The following PCDHGA9 variants were observed in gnomAD, a reference collection of about 807,000 sequenced individuals.
PCDHGA9 encodes the protein protocadherin gamma subfamily A, 9.
A neutral mutation model predicts 62.5 loss-of-function variants in PCDHGA9; 37 were observed. The observed-to-expected ratio is 0.59, with a 90% CI of 0.46 to 0.78. PCDHGA9 has a LOEUF of 0.78. PCDHGA9 is among the 30% of genes least tolerant of loss of function. PCDHGA9 has a pLI of 0.00. For missense variants in PCDHGA9, 1,138 were observed against 1,166.2 expected, an observed-to-expected ratio of 0.98 and a Z score of 0.35; for synonymous variants, 459 against 484.6, an observed-to-expected ratio of 0.95 and a Z score of 0.69.
At chr5:141,422,587 C>G in intron 1 of PCDHGA9, 2 of 1,614,032 alleles carry the variant, frequency 1.2e-6, no homozygotes, top group Non-Finnish European at 1.7e-6. Flanking sequence ...TCCCGTTTTT[C>G]CTCACTCCTC....
At chr5:141,420,215 A>G in intron 1 of PCDHGA9, 2 of 1,612,096 alleles carry the variant, frequency 1.2e-6, no homozygotes, top group South Asian at 1.1e-5. Context: ...CAAAGATAGC[A>G]TGCTACTGGC....
At position 141,433,401 on chromosome 5, in the gene PCDHGA9, A is replaced by C. The variant is rs181247960; in HGVS notation, c.2424+28025A>C. ...TATCTATCTATCTATCTATCTATCT[A>C]TCTATTACTTTCTTGTACAGACAGG... On this transcript the variant is annotated intron_variant, in intron 1 of 3. Transcript: ENST00000573521. Among the ~76,000 whole-genome samples, 679 of 150,596 alleles carry C rather than the reference A, an allele frequency of 4.5e-3. 8 individuals carry two copies. The highest frequency in any genetic ancestry group is 0.015 in the African/African-American group (630 of 40,956).
chr5:141,478,903 C>T lies in PCDHGA9; in HGVS notation c.2425-15904C>T. On this transcript the variant is annotated intron_variant, in intron 1 of 3. Transcript: ENST00000573521. Reference sequence around the variant, plus strand: ...TGGTATCATTTACATTAGGAATAAGCTGCTGGATACCTCTAACCAGTGGCA... The same window carrying T: ...TGGTATCATTTACATTAGGAATAAGTTGCTGGATACCTCTAACCAGTGGCA... 4.2e-6 allele frequency: 4 copies of T among 957,824 alleles called. No homozygotes were observed. The South Asian group carries it at 7.3e-5, about 18-fold the overall frequency. 59.3% of individuals were successfully genotyped at this position (957,824 alleles called of 1,614,324 possible). A position where few individuals can be genotyped will look rare whatever the true frequency, so the allele number is the denominator to read the frequency against.
chr5:141,413,651 C>T (rs377135032), intron 1 of PCDHGA9: 16 of 1,613,658 alleles, frequency 9.9e-6, no homozygotes, highest in Non-Finnish European at 8.5e-6. Context: ...TTTCCTCTCC[C>T]GGAAGCTATT....
Position 141,404,186 on chromosome 5 carries a change from C to T in PCDHGA9, c.1234C>T (p.Arg412Ter), listed in dbSNP as rs767632448. ...ATTGTTGACGGCCCAAATTCTTGAC[C>T]GAGAAAAAGCCTCAGAATATAATAT... Reference protein sequence around the residue: ...YRLLTAQILDREKASEYNITV... With the variant: ...YRLLTAQILD Residue 412 changes from arginine (R) to a stop codon, truncating the protein, a stop_gained, in exon 1 of 4, where the codon CGA (arginine) becomes TGA (stop). Transcript: ENST00000573521. LOFTEE classifies it high-confidence loss of function. 5 of 1,613,084 alleles carry T rather than the reference C, an allele frequency of 3.1e-6. No homozygotes were observed. The highest frequency in any genetic ancestry group is 4.2e-6 in the Non-Finnish European group (5 of 1,179,492).
At position 141,511,241 on chromosome 5, in the gene PCDHGA9, C is replaced by T; in HGVS notation, c.*68C>T. On this transcript the variant is annotated 3_prime_UTR_variant, in exon 4 of 4. Transcript: ENST00000573521. ...CCAGCCCAGCTTCTCCTTACCTGCA[C>T]CCAGGCCTCAGAGTTTCAGGGCTAA... The T allele has an allele frequency of 2.5e-6, 4 of 1,585,214 alleles. No individual in the cohort carries two copies. Among genetic ancestry groups the T allele is most frequent in the Non-Finnish European group, 3.4e-6 (4 of 1,165,762 alleles).
At chr5:141,435,024 C>T (rs1263332887) in intron 1 of PCDHGA9, among the ~76,000 whole-genome samples, 3 of 151,970 alleles carry the variant, frequency 2.0e-5, no homozygotes, top group Non-Finnish European at 4.4e-5. Context: ...ATGCTCTTTT[C>T]CCACTTTTAT....
At chr5:141,471,046 C>CT (rs1170588345) in intron 1 of PCDHGA9, among the ~76,000 whole-genome samples, 3,156 of 113,234 alleles carry the variant, frequency 0.028, 57 homozygotes, top group African/African-American at 0.046. Context: ...CCCAAGCCCT[C>CT]TTTTTTTTTT....
intron 1 of PCDHGA9, chr5:141,422,014 C>T (rs1472942387): frequency 1.9e-6 from 3 of 1,610,040 alleles, no homozygotes; most frequent in African/African-American, 1.3e-5. Flanking sequence ...AACTCGGGTG[C>T]TGATGGTTAA....
At position 141,510,842 on chromosome 5, in the gene PCDHGA9, G is replaced by A. The variant is rs531098325; in HGVS notation, c.2573-105G>A. 8.7e-5 allele frequency: 138 copies of A among 1,590,280 alleles called. No homozygotes were observed. The African/African-American group carries it at 1.7e-3, about 19-fold the overall frequency. ...TATTCCCAGTGCTCAGCGTGGTCAA[G>A]GCCCAGGGTGCTGTATAGGCATTCA... On this transcript the variant is annotated intron_variant, in intron 3 of 3. Coordinates refer to ENST00000573521, the MANE Select transcript of PCDHGA9 (RefSeq NM_018921.3).
In PCDHGA9 at chr5:141,489,180, C is replaced by T. The variant is rs942218118; in HGVS notation, c.2425-5627C>T. 7.9e-7 allele frequency: 1 copy of T among 1,259,748 alleles called. No homozygotes were observed. The highest frequency in any genetic ancestry group is 2.0e-4 in the Middle Eastern group (1 of 5,096). The allele number at this position is 1,259,748 out of a possible 1,614,324, so 78.0% of individuals were successfully genotyped here. A position where few individuals can be genotyped will look rare whatever the true frequency, so the allele number is the denominator to read the frequency against. On this transcript the variant is annotated intron_variant, in intron 1 of 3. Coordinates refer to ENST00000573521, the MANE Select transcript of PCDHGA9 (RefSeq NM_018921.3). This position sits in a 1 kb window ranked among gnomAD's most constrained non-coding sequence, Gnocchi z 4.5. ...GACTTCAGCTGCTGCATTCCAAGCCCTGGGTCTACCTTGGAGACAGGACAG... is the reference window on the plus strand; with the variant it reads ...GACTTCAGCTGCTGCATTCCAAGCCTTGGGTCTACCTTGGAGACAGGACAG...
At position 141,490,551 on chromosome 5, in the gene PCDHGA9, T is replaced by A; in HGVS notation, c.2425-4256T>A. On this transcript the variant is annotated intron_variant, in intron 1 of 3. Coordinates refer to ENST00000573521, the MANE Select transcript of PCDHGA9 (RefSeq NM_018921.3). This position sits in a 1 kb window ranked among gnomAD's most constrained non-coding sequence, Gnocchi z 5.4. ...CTGGTTCACCTTCCCTACACAAACA[T>A]CTCACCATCAGGCTCAACATTTCAG... is the stretch of plus-strand genomic sequence containing the variant. 1 of 1,614,088 alleles carries A rather than the reference T, an allele frequency of 6.2e-7. No individual in the cohort carries two copies. Among genetic ancestry groups the A allele is most frequent in the East Asian group, 2.2e-5 (1 of 44,874 alleles).
Position 141,432,220 on chromosome 5 carries a change from C to T in PCDHGA9, c.2424+26844C>T. The T allele has an allele frequency of 6.2e-7, 1 of 1,614,246 alleles. No homozygotes were observed. Among genetic ancestry groups the T allele is most frequent in the Non-Finnish European group, 8.5e-7 (1 of 1,180,040 alleles). Reference sequence around the variant, plus strand: ...CCGACTGTGAAGAGAACGCCCAGATCACTTATTCCCTGGCTGAGAACACCA... The same window carrying T: ...CCGACTGTGAAGAGAACGCCCAGATTACTTATTCCCTGGCTGAGAACACCA... On this transcript the variant is annotated intron_variant, in intron 1 of 3. Coordinates refer to ENST00000573521, the MANE Select transcript of PCDHGA9 (RefSeq NM_018921.3). The surrounding 1 kb of genome is among the most constrained non-coding windows in gnomAD (Gnocchi z 6.0).
At chr5:141,419,084 G>A in intron 1 of PCDHGA9, 2 of 1,613,920 alleles carry the variant, frequency 1.2e-6, no homozygotes, top group Non-Finnish European at 1.7e-6. Flanking sequence ...AACAGATGAG[G>A]CCCTGGATCG....
In PCDHGA9 at chr5:141,419,578, G is replaced by A. The variant is rs1339676992; in HGVS notation, c.2424+14202G>A. The A allele has an allele frequency of 1.9e-6, 3 of 1,611,604 alleles. No individual in the cohort carries two copies. In the Admixed American group the frequency reaches 5.0e-5, roughly 27 times the overall value. On this transcript the variant is annotated intron_variant, in intron 1 of 3. Transcript: ENST00000573521. ...CTGCGCTGGGTCCCGACGGCTCCGC[G>A]CTCTTCGACACAGTGCCGCGGGCCG...
chr5:141,494,762 A>G (rs770570158), intron 1 of PCDHGA9, 45 bp from the exon 2 acceptor site: 1 of 1,613,200 alleles, frequency 6.2e-7, no homozygotes, highest in South Asian at 1.1e-5. Flanking sequence ...TGACATTCTA[A>G]CTTCTCACGG....
At chr5:141,437,497 T>A (rs2097889891) in intron 1 of PCDHGA9, among the ~76,000 whole-genome samples, 1 of 152,190 alleles carries the variant, frequency 6.6e-6, no homozygotes, top group Non-Finnish European at 1.5e-5. Flanking sequence ...TAGATCACTT[T>A]TCAATGAATT....
intron 2 of PCDHGA9, among the ~76,000 whole-genome samples, chr5:141,496,538 T>G (rs568286018): frequency 1.5e-4 from 23 of 152,266 alleles, no homozygotes; most frequent in African/African-American, 5.5e-4. Flanking sequence ...TGGCAGAGAT[T>G]CCAGCTTCTG....
chr5:141,498,807 C>G (rs113587634), intron 2 of PCDHGA9, among the ~76,000 whole-genome samples: 1 of 152,030 alleles, frequency 6.6e-6, no homozygotes, highest in Non-Finnish European at 1.5e-5. Flanking sequence ...GTGGTGCACA[C>G]CTGTAGTCCC....
Sources: gnomAD v4.1 joint callset for allele counts (sites outside exome capture counted in the v4.1 genomes callset) on GRCh38, gnomAD v4.1.1 for gene constraint, Gnocchi (gnomAD v3.1) non-coding constraint, MANE v1.5 for transcripts, NCBI Gene and HGNC (gene_info 2026-07-23, HGNC 2026-07-21) for gene names.